Variants in SLC4A4 observed in about 807,000 individuals in gnomAD.
The protein encoded by SLC4A4 is solute carrier family 4 member 4, also known as electrogenic sodium bicarbonate cotransporter 1.
A neutral mutation model predicts 111.5 loss-of-function variants in SLC4A4; 27 were observed. The ratio of observed to expected loss-of-function variants is 0.24; its 90% confidence interval spans 0.18 to 0.33. The LOEUF is 0.33. SLC4A4 is among the 10% of genes least tolerant of loss of function. The pLI, the probability that SLC4A4 is intolerant of heterozygous loss-of-function variation, is 1.00. For synonymous variants in SLC4A4, 443 were observed against 463.4 expected, an observed-to-expected ratio of 0.96 and a Z score of 0.57; for missense variants, 909 against 1,315.5, an observed-to-expected ratio of 0.69 and a Z score of 4.78.
chr4:71,444,339 A>C (rs985013682), intron 8 of SLC4A4, among the ~76,000 whole-genome samples: 1 of 152,208 alleles, frequency 6.6e-6, no homozygotes, highest in African/African-American at 2.4e-5. Context: ...AACTATATGA[A>C]AAAACTCAGA....
In SLC4A4 at chr4:71,339,565, C is replaced by T. The variant is rs1318196993; in HGVS notation, c.389+60C>T. The stretch of plus-strand genomic sequence containing the variant: ...AGGGAAACAAGGGCAGGGCAAGATG[C>T]TTGATCCTGGAGTGCCGTTCTTTAG... On this transcript the variant is annotated intron_variant, in intron 4 of 25. Transcript: ENST00000264485. 17 of 1,559,556 alleles carry T rather than the reference C, an allele frequency of 1.1e-5. No homozygotes were observed. The Admixed American group carries it at 2.2e-4, about 20-fold the overall frequency.
At chr4:71,113,859 C>A (rs1212699844) in intron 2 of SLC4A4, among the ~76,000 whole-genome samples, 7 of 152,138 alleles carry the variant, frequency 4.6e-5, no homozygotes, top group Non-Finnish European at 8.8e-5. Flanking sequence ...GCTTTAGAAG[C>A]CATTTTTCCT....
chr4:71,555,167 G>A lies in SLC4A4; in HGVS notation c.2722G>A (p.Val908Met). ...TATACCCATGCCTGTACTCTATGGT[G>A]TGTTCCTGTATATGGGAGTAGCATC... ...KFIPMPVLYG[V>M]FLYMGVASLN... is the part of the protein sequence containing the mutation. The change falls in exon 21 of 26, where the codon GTG becomes ATG. Residue 908 changes from valine (V) to methionine (M), a missense_variant. Val to Met is a conservative substitution (Grantham distance 21). Coordinates refer to ENST00000264485, the MANE Select transcript of SLC4A4 (RefSeq NM_001098484.3). 6.2e-7 allele frequency: 1 copy of A among 1,610,114 alleles called. No homozygotes were observed.
chr4:71,399,454 CTCCCCTCCG>C (rs1324177756), intron 7 of SLC4A4, among the ~76,000 whole-genome samples: 1 of 137,122 alleles, frequency 7.3e-6, no homozygotes, highest in East Asian at 2.3e-4. Context: ...CTTCCGTCCC[CTCCCCTCCG>C]TTCCCCTCCC....
intron 14 of SLC4A4, among the ~76,000 whole-genome samples, chr4:71,475,164 G>GA (rs60386186): frequency 0.14 from 20,407 of 150,872 alleles, 1,633 homozygotes; most frequent in African/African-American, 0.23. Context: ...TTTTCTAAAG[G>GA]AAAAAAAACA....
intron 3 of SLC4A4, among the ~76,000 whole-genome samples, chr4:71,317,062 TTGTG>T (rs1208445779): frequency 2.9e-5 from 3 of 104,796 alleles, no homozygotes; most frequent in Non-Finnish European, 5.9e-5. Flanking sequence ...TGTAACAGGG[TTGTG>T]TGTGTGTGCG....
intron 3 of SLC4A4, among the ~76,000 whole-genome samples, chr4:71,292,052 A>T (rs574626338): frequency 6.6e-6 from 1 of 152,174 alleles, no homozygotes; most frequent in Non-Finnish European, 1.5e-5. Flanking sequence ...ATGTCCAATA[A>T]ATTATTGTTG....
At chr4:71,524,731 G>T (rs760302445) in intron 16 of SLC4A4, among the ~76,000 whole-genome samples, 2 of 151,548 alleles carry the variant, frequency 1.3e-5, no homozygotes, top group East Asian at 3.9e-4. Context: ...GTGCCTTTTT[G>T]TGATTACCAA....
chr4:71,542,997 T>C (rs1256399188), intron 18 of SLC4A4, among the ~76,000 whole-genome samples: 3 of 152,204 alleles, frequency 2.0e-5, no homozygotes, highest in Non-Finnish European at 4.4e-5. Context: ...ATGGTTCCTG[T>C]CCTCATGGAA....
At chr4:71,271,174 C>T (rs971973330) in intron 3 of SLC4A4, among the ~76,000 whole-genome samples, 1 of 152,102 alleles carries the variant, frequency 6.6e-6, no homozygotes, top group Admixed American at 6.5e-5. Context: ...AATACCTGAC[C>T]TTTACATAGT....
At chr4:71,407,861 G>A (rs1721011511) in intron 7 of SLC4A4, among the ~76,000 whole-genome samples, 1 of 151,950 alleles carries the variant, frequency 6.6e-6, no homozygotes, top group Admixed American at 6.6e-5. Context: ...AGACCACAAT[G>A]AATAGAGAGT....
intron 2 of SLC4A4, among the ~76,000 whole-genome samples, chr4:71,242,485 G>C (rs1331683699): frequency 2.6e-5 from 4 of 152,124 alleles, no homozygotes; most frequent in Admixed American, 6.5e-5. Flanking sequence ...TTATAGTTTA[G>C]ATTATGGGTT....
At chr4:71,239,291 T>C (rs929242715) in intron 2 of SLC4A4, among the ~76,000 whole-genome samples, 3 of 152,240 alleles carry the variant, frequency 2.0e-5, no homozygotes, top group Non-Finnish European at 4.4e-5. Flanking sequence ...TTTACAGTTA[T>C]CTGCATAAAT....
chr4:71,318,267 G>A (rs1726848360), intron 3 of SLC4A4, among the ~76,000 whole-genome samples: 1 of 152,000 alleles, frequency 6.6e-6, no homozygotes, highest in Non-Finnish European at 1.5e-5. Flanking sequence ...AGGAGAAACT[G>A]ATTTCTGAAG....
intron 7 of SLC4A4, among the ~76,000 whole-genome samples, chr4:71,402,460 CA>C (rs1394106199): frequency 1.3e-5 from 2 of 152,048 alleles, no homozygotes; most frequent in African/African-American, 2.4e-5. Flanking sequence ...ATGGCTCAGT[CA>C]AAAAAACCTA....
At chr4:71,086,411 G>T (rs1215903829) in intron 1 of SLC4A4, among the ~76,000 whole-genome samples, 2 of 151,910 alleles carry the variant, frequency 1.3e-5, no homozygotes, top group African/African-American at 4.9e-5. Flanking sequence ...TCTCCTGCCT[G>T]ATTGCCCTGG....
At chr4:71,562,079 C>T (rs1209478993) in intron 23 of SLC4A4, among the ~76,000 whole-genome samples, 1 of 151,752 alleles carries the variant, frequency 6.6e-6, no homozygotes, top group Non-Finnish European at 1.5e-5. Context: ...GATATGATTT[C>T]CAACAAATCC....
intron 3 of SLC4A4, among the ~76,000 whole-genome samples, chr4:71,286,209 C>T (rs1356384184): frequency 6.6e-6 from 1 of 152,090 alleles, no homozygotes; most frequent in African/African-American, 2.4e-5. Context: ...CACTGCACTC[C>T]ATCCTGGGTG....
chr4:71,542,562 T>C (rs1268039877), intron 18 of SLC4A4, among the ~76,000 whole-genome samples: 1 of 152,116 alleles, frequency 6.6e-6, no homozygotes, highest in East Asian at 1.9e-4. Context: ...CCAAATCTAT[T>C]TCATTTTCTC....
Sources: allele counts gnomAD v4.1 joint callset (sites outside exome capture counted in the v4.1 genomes callset), GRCh38; gene constraint gnomAD v4.1.1; transcripts MANE v1.5; gene names NCBI Gene and HGNC (gene_info 2026-07-23, HGNC 2026-07-21).